Variants in SNX29 observed in about 807,000 individuals in gnomAD.
SNX29 encodes sorting nexin 29.
SNX29 carries 78 observed loss-of-function variants against 102.1 expected under a neutral mutation model. The observed-to-expected ratio is 0.76, with a 90% CI of 0.64 to 0.92. The LOEUF (loss-of-function observed/expected upper bound fraction) is 0.92. SNX29 is among the 40% of genes least tolerant of loss of function. The pLI is 0.00. For synonymous variants in SNX29, 580 were observed against 414.5 expected (o/e 1.40, Z -4.85); for missense variants, 1,280 against 1,061.7 (o/e 1.21, Z -2.86).
At chr16:12,240,795 G>A (rs1473961008) in intron 14 of SNX29, among the ~76,000 whole-genome samples, 1 of 151,616 alleles carries the variant, frequency 6.6e-6, no homozygotes, top group East Asian at 1.9e-4. Context: ...TAGTGGAGAT[G>A]GTCTTTCACC....
At chr16:12,506,565 A>G (rs2089389618) in intron 19 of SNX29, among the ~76,000 whole-genome samples, 1 of 152,234 alleles carries the variant, frequency 6.6e-6, no homozygotes, top group African/African-American at 2.4e-5. Context: ...ATAGCATCAG[A>G]CTTGAAAAGG....
chr16:12,177,389 T>C (rs1467935528), intron 13 of SNX29, among the ~76,000 whole-genome samples: 1 of 152,232 alleles, frequency 6.6e-6, no homozygotes, highest in Non-Finnish European at 1.5e-5. Context: ...TTGTATGTGA[T>C]GCCAGTTATA....
chr16:12,568,721 C>G lies in SNX29; in HGVS notation c.*92C>G. ...CTGGCCCCTCACCTCAGCGTGACAA[C>G]CACGTCCACCTGGTGATCCTGAGAG... On this transcript the variant is annotated 3_prime_UTR_variant, in exon 21 of 21. Coordinates refer to ENST00000566228, the MANE Select transcript of SNX29 (RefSeq NM_032167.5). 3 of 1,516,522 alleles carry G rather than the reference C, an allele frequency of 2.0e-6. No individual in the cohort carries two copies. The highest frequency in any genetic ancestry group is 2.6e-6 in the Non-Finnish European group (3 of 1,132,482). The allele number at this position is 1,516,522 out of a possible 1,614,324, so 93.9% of individuals were successfully genotyped here.
At chr16:11,984,320 A>T (rs386430) in intron 1 of SNX29, among the ~76,000 whole-genome samples, 114,294 of 150,644 alleles carry the variant, frequency 0.76, 44,355 homozygotes, top group Non-Finnish European at 0.84. Flanking sequence ...GAGCCATGAA[A>T]GTACCATTGC....
intron 3 of SNX29, among the ~76,000 whole-genome samples, chr16:12,014,316 C>A (rs2056775987): frequency 6.6e-6 from 1 of 152,094 alleles, no homozygotes; most frequent in Non-Finnish European, 1.5e-5. Flanking sequence ...AGTGCCAGCA[C>A]CTGTTCCTGA....
chr16:12,467,581 C>G (rs1381222944), intron 18 of SNX29, among the ~76,000 whole-genome samples: 1 of 152,116 alleles, frequency 6.6e-6, no homozygotes, highest in Non-Finnish European at 1.5e-5. Context: ...TGCATCCACT[C>G]TGACCTGTTC....
chr16:12,219,331 G>C (rs1013596695), intron 14 of SNX29, among the ~76,000 whole-genome samples: 2 of 151,674 alleles, frequency 1.3e-5, no homozygotes, highest in African/African-American at 2.4e-5. Context: ...CCCACAGTAA[G>C]AAATACTCTT....
intron 14 of SNX29, among the ~76,000 whole-genome samples, chr16:12,250,054 G>C (rs2142374382): frequency 6.6e-6 from 1 of 152,298 alleles, no homozygotes; most frequent in Middle Eastern, 3.4e-3. Context: ...GGGGAGCCCA[G>C]AGCAGGAGCC....
intron 18 of SNX29, among the ~76,000 whole-genome samples, chr16:12,445,545 C>CT (rs1488890352): frequency 6.6e-6 from 1 of 152,356 alleles, no homozygotes; most frequent in East Asian, 1.9e-4. Context: ...TGATAGATGA[C>CT]TGGCTGGCTG....
At position 12,403,464 on chromosome 16, in the gene SNX29, A is replaced by G. The variant is rs1567528408; in HGVS notation, c.1972A>G (p.Ile658Val). Residue 658 changes from isoleucine to valine, a missense_variant, in exon 18 of 21, where the codon ATC (isoleucine) becomes GTC (valine). By Grantham distance (29) the Ile-to-Val change is conservative (BLOSUM62 3). Transcript: ENST00000566228. ...TTTGGTTAGATCAAACCGGGCGCTG[A>G]TCAACGTCTGGATCCCCTCAGTGTT... ...SDFEISNRAL[I>V]NVWIPSVFLR... The G allele has an allele frequency of 1.2e-6, 2 of 1,608,778 alleles. No individual in the cohort carries two copies. Among genetic ancestry groups the G allele is most frequent in the Non-Finnish European group, 1.7e-6 (2 of 1,177,574 alleles).
rs780680889 is a variant in SNX29 at position 12,569,757 on chromosome 16, C to T, written c.*1128C>T. On this transcript the variant is annotated 3_prime_UTR_variant, in exon 21 of 21. Transcript: ENST00000566228. ...CCCAGGGCTCCTCCTCCAGTGAGCT[C>T]ACATCAGAGCACCTCACAGAGCAAT... 5 of 230,430 alleles carry T rather than the reference C, an allele frequency of 2.2e-5. No homozygotes were observed. Among genetic ancestry groups the T allele is most frequent in the African/African-American group, 8.9e-5 (4 of 45,190 alleles). The allele number at this position is 230,430 out of a possible 1,614,324, so 14.3% of individuals were successfully genotyped here.
At chr16:12,454,717 T>C (rs938063767) in intron 18 of SNX29, among the ~76,000 whole-genome samples, 10 of 152,150 alleles carry the variant, frequency 6.6e-5, no homozygotes, top group African/African-American at 2.4e-4. Flanking sequence ...TATTTATTTT[T>C]ATTTTTTATT....
At chr16:12,022,095 T>G (rs1474346329) in intron 3 of SNX29, among the ~76,000 whole-genome samples, 3 of 151,362 alleles carry the variant, frequency 2.0e-5, no homozygotes, top group African/African-American at 4.8e-5. Flanking sequence ...GGGGAAGTTT[T>G]TTTTTTTTTT....
intron 14 of SNX29, among the ~76,000 whole-genome samples, chr16:12,224,214 G>A (rs1297784450): frequency 6.6e-6 from 1 of 152,188 alleles, no homozygotes; most frequent in Admixed American, 6.5e-5. Context: ...AGTAGATGTG[G>A]TAAATTCTAC....
At chr16:12,051,523 T>C (rs2050302492) in intron 7 of SNX29, among the ~76,000 whole-genome samples, 1 of 152,132 alleles carries the variant, frequency 6.6e-6, no homozygotes, top group Non-Finnish European at 1.5e-5. Flanking sequence ...ATCTACCAGC[T>C]ATGAGAATAT....
chr16:12,050,968 G>A (rs543301077), intron 7 of SNX29, among the ~76,000 whole-genome samples: 21 of 151,898 alleles, frequency 1.4e-4, no homozygotes, highest in African/African-American at 4.6e-4. Flanking sequence ...TGATCCACCC[G>A]CCTTGACCTC....
chr16:12,042,751 A>T, intron 4 of SNX29, 146 bp from the exon 5 acceptor site: 3 of 764,084 alleles, frequency 3.9e-6, no homozygotes, highest in Non-Finnish European at 6.3e-6. Context: ...GGTTGATTCC[A>T]TGTCTTTGGT....
intron 1 of SNX29, among the ~76,000 whole-genome samples, chr16:11,992,853 G>A (rs1328395199): frequency 2.0e-5 from 3 of 152,186 alleles, no homozygotes; most frequent in South Asian, 2.1e-4. Context: ...GAGAGACAGC[G>A]AAATACCACT....
At chr16:12,431,434 C>CTTCTTTTTT (rs779738786) in intron 18 of SNX29, among the ~76,000 whole-genome samples, 1 of 136,946 alleles carries the variant, frequency 7.3e-6, no homozygotes, top group Non-Finnish European at 1.6e-5. Context: ...TCTTCTTCTT[C>CTTCTTTTTT]TTTTTTTTTT....
Sources: allele counts gnomAD v4.1 joint callset (sites outside exome capture counted in the v4.1 genomes callset), GRCh38; gene constraint gnomAD v4.1.1; transcripts MANE v1.5; gene names NCBI Gene and HGNC (gene_info 2026-07-23, HGNC 2026-07-21).